CSMD1: variants seen among roughly 807,000 people sequenced by gnomAD.
The protein encoded by CSMD1 is CUB and sushi domain-containing protein 1.
CSMD1 carries 213 observed loss-of-function variants against 417.5 expected under a neutral mutation model. That is an observed-to-expected ratio of 0.51 (90% CI 0.46 to 0.57). CSMD1 has a LOEUF of 0.57. Ranked by LOEUF, CSMD1 falls within the 20% of genes least tolerant of loss-of-function variation. The pLI, the probability that CSMD1 is intolerant of heterozygous loss-of-function variation, is 0.00. For synonymous variants in CSMD1, 2,862 were observed against 1,736.8 expected, an observed-to-expected ratio of 1.65 and a Z score of -16.11; for missense variants, 6,923 against 4,529.7, an observed-to-expected ratio of 1.53 and a Z score of -15.17.
intron 7 of CSMD1, among the ~76,000 whole-genome samples, chr8:3,667,046 C>T (rs767483117): frequency 6.6e-6 from 1 of 152,122 alleles, no homozygotes; most frequent in Non-Finnish European, 1.5e-5. Context: ...TGCTCAGATC[C>T]TTTCATTCCT....
intron 1 of CSMD1, among the ~76,000 whole-genome samples, chr8:4,845,737 C>A (rs189046433): frequency 6.6e-6 from 1 of 152,164 alleles, no homozygotes; most frequent in Non-Finnish European, 1.5e-5. Flanking sequence ...AGAGGGAGCA[C>A]TGGCCGGTGC....
At chr8:4,358,716 T>G (rs1801578152) in intron 3 of CSMD1, among the ~76,000 whole-genome samples, 1 of 152,174 alleles carries the variant, frequency 6.6e-6, no homozygotes, top group African/African-American at 2.4e-5. Flanking sequence ...TGTAGCTTAA[T>G]CATTAAAATA....
At chr8:4,555,945 T>A (rs1368244866) in intron 2 of CSMD1, among the ~76,000 whole-genome samples, 1 of 152,156 alleles carries the variant, frequency 6.6e-6, no homozygotes, top group Non-Finnish European at 1.5e-5. Context: ...GTTCCTTACT[T>A]TAGGAAGTGA....
chr8:4,160,574 T>C (rs942994110), intron 3 of CSMD1, among the ~76,000 whole-genome samples: 6 of 152,210 alleles, frequency 3.9e-5, no homozygotes, highest in African/African-American at 1.4e-4. Flanking sequence ...TTTCTCATCT[T>C]GCATGAGGCT....
rs752305719 is a variant in CSMD1, at chr8:3,113,174, C to T, written c.6431-2839G>A. On this transcript the variant is annotated intron_variant, in intron 42 of 69. Coordinates refer to ENST00000635120, the MANE Select transcript of CSMD1 (RefSeq NM_033225.6). ...CTGGACTGAGATCAAAGAGGAAGCTCTGCGTGGAGCACAGCAGGTACCTCC... is the reference window on the plus strand; with the variant it reads ...CTGGACTGAGATCAAAGAGGAAGCTTTGCGTGGAGCACAGCAGGTACCTCC... 4.6e-5 allele frequency: 7 copies of T among 152,348 alleles called. 1 individual carries two copies. In the South Asian group the frequency reaches 1.2e-3, roughly 27 times the overall value. 9.4% of individuals were successfully genotyped at this position (152,348 alleles called of 1,614,324 possible). A position where few individuals can be genotyped will look rare whatever the true frequency, so the allele number is the denominator to read the frequency against.
At chr8:3,404,385 T>A (rs570169372) in intron 15 of CSMD1, among the ~76,000 whole-genome samples, 1 of 149,428 alleles carries the variant, frequency 6.7e-6, no homozygotes, top group Non-Finnish European at 1.5e-5. Flanking sequence ...TAATGGTGAG[T>A]AACTTCTTTG....
intron 12 of CSMD1, among the ~76,000 whole-genome samples, chr8:3,455,776 G>C (rs1009093692): frequency 1.3e-5 from 2 of 152,232 alleles, no homozygotes; most frequent in Non-Finnish European, 2.9e-5. Context: ...ACTTGAGGAG[G>C]CAGTCTGTCT....
At chr8:3,277,225 T>C (rs892038927) in intron 26 of CSMD1, among the ~76,000 whole-genome samples, 2 of 152,076 alleles carry the variant, frequency 1.3e-5, no homozygotes, top group East Asian at 3.9e-4. Flanking sequence ...TGTGGCCTTA[T>C]TTTTGGCAGT....
intron 1 of CSMD1, among the ~76,000 whole-genome samples, chr8:4,726,111 C>T (rs1019259537): frequency 6.6e-6 from 1 of 152,002 alleles, no homozygotes. Context: ...ATATAACACA[C>T]GGGGAGGACA....
At chr8:4,113,814 C>G (rs1045411371) in intron 3 of CSMD1, among the ~76,000 whole-genome samples, 1 of 152,172 alleles carries the variant, frequency 6.6e-6, no homozygotes, top group African/African-American at 2.4e-5. Flanking sequence ...CTACAACATT[C>G]CCTTAAACCA....
chr8:4,024,301 A>T (rs966268453), intron 4 of CSMD1, among the ~76,000 whole-genome samples: 1 of 152,222 alleles, frequency 6.6e-6, no homozygotes, highest in Non-Finnish European at 1.5e-5. Context: ...TAATGTAAAC[A>T]AATTACATAA....
intron 57 of CSMD1, among the ~76,000 whole-genome samples, chr8:2,971,294 C>G (rs1253804028): frequency 6.6e-6 from 1 of 152,126 alleles, no homozygotes; most frequent in East Asian, 1.9e-4. Flanking sequence ...CCTCTCATAA[C>G]TCTCTTTTGC....
chr8:3,138,628 C>T (rs10046671), intron 41 of CSMD1, among the ~76,000 whole-genome samples: 124,462 of 152,122 alleles, frequency 0.82, 52,373 homozygotes, highest in Non-Finnish European at 0.93. Context: ...GAAACAGTTC[C>T]GAATGACTAA....
intron 2 of CSMD1, among the ~76,000 whole-genome samples, chr8:4,548,304 T>A (rs1797720511): frequency 6.6e-6 from 1 of 152,210 alleles, no homozygotes; most frequent in African/African-American, 2.4e-5. Flanking sequence ...TAGTCATGTA[T>A]AAGTCTCATT....
chr8:3,654,982 A>C (rs115086987), intron 7 of CSMD1, among the ~76,000 whole-genome samples: 10 of 152,238 alleles, frequency 6.6e-5, no homozygotes, highest in Non-Finnish European at 1.3e-4. Context: ...TGAAAATGCC[A>C]GGTGTGAAGA....
rs753967830 is a variant in CSMD1 at position 4,384,370 on chromosome 8, C to G, written c.415+35583G>C. Among the ~76,000 whole-genome samples the G allele has an allele frequency of 3.9e-5, 6 of 152,278 alleles. No individual in the cohort carries two copies. In the East Asian group the frequency reaches 9.7e-4, roughly 25 times the overall value. ...AATGCAACGCATCTGAGGCCCATCA[C>G]TATGAAGCTACAAAATATTAAATAC... On this transcript the variant is annotated intron_variant, in intron 3 of 69. Transcript: ENST00000635120.
intron 5 of CSMD1, among the ~76,000 whole-genome samples, chr8:3,839,956 G>A (rs77636523): frequency 0.011 from 1,653 of 152,168 alleles, 40 homozygotes; most frequent in African/African-American, 0.039. Context: ...GATATTTGGA[G>A]ACTGAAGCAT....
At chr8:3,488,927 T>C (rs979885630) in intron 11 of CSMD1, among the ~76,000 whole-genome samples, 2 of 152,220 alleles carry the variant, frequency 1.3e-5, no homozygotes, top group Non-Finnish European at 2.9e-5. Flanking sequence ...TCTGATTTTT[T>C]TAAAACCGAA....
chr8:3,836,685 C>T (rs902507560), intron 5 of CSMD1, among the ~76,000 whole-genome samples: 3 of 151,902 alleles, frequency 2.0e-5, no homozygotes, highest in Non-Finnish European at 2.9e-5. Flanking sequence ...AACCTTTGTT[C>T]AATATGGTTA....
Sources: gnomAD v4.1 joint callset for allele counts (sites outside exome capture counted in the v4.1 genomes callset) on GRCh38, gnomAD v4.1.1 for gene constraint, MANE v1.5 for transcripts, NCBI Gene and HGNC (gene_info 2026-07-23, HGNC 2026-07-21) for gene names.